Variants in VWA8 observed in about 807,000 individuals in gnomAD.
VWA8 encodes von Willebrand factor A domain containing 8.
VWA8 carries 221 observed loss-of-function variants against 241.5 expected under a neutral mutation model. The ratio of observed to expected loss-of-function variants is 0.91; its 90% CI spans 0.82 to 1.02. VWA8 has a LOEUF of 1.02. VWA8 is among the 50% of genes least tolerant of loss of function. VWA8 has a pLI of 0.00. For synonymous variants in VWA8, 852 were observed against 827.1 expected, an observed-to-expected ratio of 1.03 and a Z score of -0.52; for missense variants, 2,322 against 2,328.7, an observed-to-expected ratio of 1.00 and a Z score of 0.06.
intron 26 of VWA8, among the ~76,000 whole-genome samples, chr13:41,719,012 A>G (rs2045364640): frequency 6.6e-6 from 1 of 151,940 alleles, no homozygotes; most frequent in South Asian, 2.1e-4. Context: ...GATCAACACC[A>G]TATGTGCAAG....
chr13:41,899,017 A>G (rs1450057908), intron 4 of VWA8, among the ~76,000 whole-genome samples: 1 of 152,178 alleles, frequency 6.6e-6, no homozygotes, highest in Non-Finnish European at 1.5e-5. Context: ...CCAGCCCAGA[A>G]AGGGGCTCCC....
rs536318621 is a variant in VWA8 at position 41,641,164 on chromosome 13, A to G, written c.4612-26080T>C. 3.2e-4 allele frequency among the ~76,000 whole-genome samples: 49 copies of G among 152,256 alleles called. 1 individual carries two copies. In the South Asian group the frequency reaches 9.5e-3, roughly 30 times the overall value. ...TGAATGAAGACAAAGAATGAGGAGG[A>G]CTGGCAGGATAGTTATGTTGTCTGT... On this transcript the variant is annotated intron_variant, in intron 37 of 44. Transcript: ENST00000379310.
intron 37 of VWA8, among the ~76,000 whole-genome samples, chr13:41,615,463 A>G (rs1208790426): frequency 6.6e-6 from 1 of 152,204 alleles, no homozygotes; most frequent in African/African-American, 2.4e-5. Context: ...ATCACCACCT[A>G]GCTGATCCAG....
At chr13:41,735,884 T>A (rs1430165440) in intron 21 of VWA8, among the ~76,000 whole-genome samples, 1 of 152,076 alleles carries the variant, frequency 6.6e-6, no homozygotes, top group Non-Finnish European at 1.5e-5. Context: ...TTTCAGAGGG[T>A]GCTTGATTAA....
At chr13:41,890,223 T>G (rs965476697) in intron 5 of VWA8, among the ~76,000 whole-genome samples, 1 of 152,252 alleles carries the variant, frequency 6.6e-6, no homozygotes, top group African/African-American at 2.4e-5. Flanking sequence ...GGGCCTAGTG[T>G]GTTCTGGGCT....
chr13:41,638,040 G>A (rs891158453), intron 37 of VWA8, among the ~76,000 whole-genome samples: 5 of 152,036 alleles, frequency 3.3e-5, no homozygotes, highest in African/African-American at 1.2e-4. Flanking sequence ...AGGTACATTC[G>A]CCCCCATGGA....
At chr13:41,570,406 C>T in intron 44 of VWA8, 62 bp downstream of exon 44, 1 of 1,442,946 alleles carries the variant, frequency 6.9e-7, no homozygotes, top group Non-Finnish European at 9.7e-7. Context: ...TATAAAACAG[C>T]ATGTGTTAGC....
At position 41,908,240 on chromosome 13, in the gene VWA8, C is replaced by G. The variant is rs138738569; in HGVS notation, c.373-544G>C. On this transcript the variant is annotated intron_variant, in intron 3 of 44. Coordinates refer to ENST00000379310, the MANE Select transcript of VWA8 (RefSeq NM_015058.2). ...CAGCACTTTGGGAGGCCGAAGTGGG[C>G]AGATCACTTGAGGTCAGAAGTTCGA... 6.3e-3 allele frequency among the ~76,000 whole-genome samples: 958 copies of G among 152,234 alleles called. 6 individuals are homozygous for G. The highest frequency in any genetic ancestry group is 0.022 in the African/African-American group (910 of 41,526).
intron 24 of VWA8, 111 bp downstream of exon 24, chr13:41,727,083 A>T (rs1472523640): frequency 6.2e-6 from 5 of 810,010 alleles, no homozygotes; most frequent in Non-Finnish European, 9.5e-6. Flanking sequence ...TCACAAGGTG[A>T]TTATGATGGT....
Position 41,691,338 on chromosome 13 carries a change from A to G in VWA8, c.3848T>C (p.Val1283Ala), listed in dbSNP as rs1350680922. 2 of 1,612,274 alleles carry G rather than the reference A, an allele frequency of 1.2e-6. No individual in the cohort carries two copies. Among genetic ancestry groups the G allele is most frequent in the East Asian group, 4.5e-5 (2 of 44,828 alleles). Residue 1283 changes from valine to alanine, a missense_variant, in exon 32 of 45, where the codon GTG (valine) becomes GCG (alanine). Physicochemically the swap from Val to Ala is moderately conservative, Grantham distance 64. Coordinates refer to ENST00000379310, the MANE Select transcript of VWA8 (RefSeq NM_015058.2). ...CACTCACTGATTTGTTTTGCTCTCC[A>G]CCAGAAGCCATTTGTCCTCTGCTAC... ...FLVAEDKWLL[V>A]ESKTNQKYLL... is the part of the protein sequence containing the mutation.
At chr13:41,934,427 A>T (rs964587042) in intron 2 of VWA8, among the ~76,000 whole-genome samples, 8 of 152,004 alleles carry the variant, frequency 5.3e-5, no homozygotes, top group African/African-American at 1.7e-4. Context: ...AAAAAGTTAA[A>T]CATCTACCGC....
chr13:41,644,412 C>T (rs2044817501), intron 37 of VWA8, among the ~76,000 whole-genome samples: 1 of 152,200 alleles, frequency 6.6e-6, no homozygotes, highest in Non-Finnish European at 1.5e-5. Context: ...TGTTCAAGGA[C>T]ATTTCATTAT....
chr13:41,691,230 A>C, intron 32 of VWA8, 90 bp downstream of exon 32: 1 of 1,440,334 alleles, frequency 6.9e-7, no homozygotes, highest in East Asian at 2.4e-5. Flanking sequence ...GGACAGACAC[A>C]GGAAAGACAG....
intron 26 of VWA8, among the ~76,000 whole-genome samples, chr13:41,716,822 T>C (rs2137843414): frequency 6.6e-6 from 1 of 152,046 alleles, no homozygotes; most frequent in East Asian, 1.9e-4. Context: ...CCAATGTGTA[T>C]CTTCCCCACT....
chr13:41,860,228 C>A (rs1872946313), intron 12 of VWA8, among the ~76,000 whole-genome samples: 1 of 152,068 alleles, frequency 6.6e-6, no homozygotes, highest in Admixed American at 6.6e-5. Context: ...AAAATTTTCT[C>A]TAAAAATTAA....
In VWA8 at chr13:41,587,655, G is replaced by T. The variant is rs1466267661; in HGVS notation, c.5128C>A (p.Gln1710Lys). The change falls in exon 42 of 45, where the codon CAG becomes AAG. Residue 1710 changes from glutamine (Q) to lysine (K), a missense_variant. Transcript: ENST00000379310. ...ACCAGGCGCAGACGCTTGGGTTTCT[G>T]TTGTGGGCTGCCAAGCTGAGGGAAG... Reference protein sequence around the residue: ...ELEPQLGSPQQKPKRLRLVVD... With the variant: ...ELEPQLGSPQKKPKRLRLVVD... 1 of 1,614,146 alleles carries T rather than the reference G, an allele frequency of 6.2e-7. No homozygotes were observed. Among genetic ancestry groups the T allele is most frequent in the Non-Finnish European group, 8.5e-7 (1 of 1,180,028 alleles).
At chr13:41,778,915 C>T (rs1868756177) in intron 19 of VWA8, among the ~76,000 whole-genome samples, 1 of 140,996 alleles carries the variant, frequency 7.1e-6, no homozygotes, top group Admixed American at 7.5e-5. Context: ...GATCTCGGCT[C>T]ACTGCAAGCT....
At chr13:41,881,718 C>T (rs1874208101) in intron 9 of VWA8, among the ~76,000 whole-genome samples, 2 of 145,868 alleles carry the variant, frequency 1.4e-5, no homozygotes, top group African/African-American at 2.5e-5. Context: ...GGCGGCTGGC[C>T]GGGCTGGGGG....
At chr13:41,849,133 T>G (rs1217142825) in intron 12 of VWA8, among the ~76,000 whole-genome samples, 1 of 152,202 alleles carries the variant, frequency 6.6e-6, no homozygotes, top group Non-Finnish European at 1.5e-5. Flanking sequence ...TTTCTAACTA[T>G]GAGACTGGCT....
Sources: allele counts gnomAD v4.1 joint callset (sites outside exome capture counted in the v4.1 genomes callset), GRCh38; gene constraint gnomAD v4.1.1; transcripts MANE v1.5; gene names NCBI Gene and HGNC (gene_info 2026-07-23, HGNC 2026-07-21).